The following PLCD3 variants were observed in gnomAD, a reference collection of about 807,000 sequenced individuals.
The protein encoded by PLCD3 is 1-phosphatidylinositol 4,5-bisphosphate phosphodiesterase delta-3.
PLCD3 carries 62 observed loss-of-function variants against 82.8 expected under a neutral mutation model. The observed-to-expected ratio is 0.75, with a 90% CI of 0.61 to 0.93. The LOEUF (loss-of-function observed/expected upper bound fraction) is 0.93. Ranked by LOEUF, PLCD3 falls within the 40% of genes least tolerant of loss-of-function variation. PLCD3 has a pLI of 0.00. For missense variants in PLCD3, 1,023 were observed against 1,103.4 expected (o/e 0.93, Z 1.03); for synonymous variants, 478 against 471.8 (o/e 1.01, Z -0.17).
intron 1 of PLCD3, 95 bp from the exon 2 acceptor site, chr17:45,121,467 TCTCCAAAC>T: frequency 1.5e-6 from 2 of 1,370,788 alleles, no homozygotes; most frequent in Non-Finnish European, 1.9e-6. Context: ...TCCTCCAGCC[TCTCCAAAC>T]CCAGGCCTTC....
In PLCD3 at chr17:45,111,157, T is replaced by C. The variant is rs1296103268; in HGVS notation, c.*1459A>G. ...CCAGATTCTGTCGCCTAGTGTCCAG[T>C]GCGCTCTCCTGGCATTTCTATAGAG... On this transcript the variant is annotated 3_prime_UTR_variant, in exon 15 of 15. Transcript: ENST00000619929. 2.6e-5 allele frequency: 4 copies of C among 152,192 alleles called. No homozygotes were observed. Among genetic ancestry groups the C allele is most frequent in the Non-Finnish European group, 4.4e-5 (3 of 68,044 alleles). The allele number at this position is 152,192 out of a possible 1,614,324, so 9.4% of individuals were successfully genotyped here.
At chr17:45,113,323 G>A in intron 12 of PLCD3, 66 bp from the exon 13 acceptor site, 1 of 1,553,024 alleles carries the variant, frequency 6.4e-7, no homozygotes, top group South Asian at 1.2e-5. Context: ...TGGGCCTCAA[G>A]CTCACACCAC....
At chr17:45,114,967 C>T (rs765876491) in intron 10 of PLCD3, 127 bp downstream of exon 10, 96 of 1,352,036 alleles carry the variant, frequency 7.1e-5, no homozygotes, top group Non-Finnish European at 8.7e-5. Context: ...TTCCCTCAGC[C>T]CAGCCCCTCT....
At chr17:45,123,779 C>T (rs1206388657) in intron 1 of PLCD3, among the ~76,000 whole-genome samples, 1 of 152,210 alleles carries the variant, frequency 6.6e-6, no homozygotes, top group Non-Finnish European at 1.5e-5. Flanking sequence ...GCCATGACCC[C>T]TTGGGGCCAG....
chr17:45,124,041 G>A (rs544137079), intron 1 of PLCD3, among the ~76,000 whole-genome samples: 3 of 150,188 alleles, frequency 2.0e-5, no homozygotes, highest in South Asian at 4.2e-4. Context: ...AGCCTGCAGC[G>A]CCACTACACT....
chr17:45,115,277 C>T (rs1269700431), intron 9 of PLCD3, 33 bp from the exon 10 acceptor site: 4 of 1,530,596 alleles, frequency 2.6e-6, no homozygotes, highest in Non-Finnish European at 3.5e-6. Context: ...GTTCAGCTGG[C>T]CCCCGCTTCC....
Position 45,121,222 on chromosome 17 carries a change from G to C in PLCD3, c.314C>G (p.Ser105Trp). Residue 105 changes from serine to tryptophan, a missense_variant, in exon 2 of 15, where the codon TCG becomes TGG. This residue lies in a region of PLCD3 where 448 missense variants were observed against 406.3 expected (regional missense o/e 1.10). Coordinates refer to ENST00000619929, the MANE Select transcript of PLCD3 (RefSeq NM_133373.5). ...CCCCGGCCTCTCACAGATGTGCTGC[G>C]ATGGCGCACGCGGGATGCGCCGCTG... ...WFQRRIPRAP[S>W]QHIFFVQHIE... 2 of 1,588,014 alleles carry C rather than the reference G, an allele frequency of 1.3e-6. No homozygotes were observed. The highest frequency in any genetic ancestry group is 1.7e-6 in the Non-Finnish European group (2 of 1,175,232).
At chr17:45,113,961 C>T (rs965828790) in intron 11 of PLCD3, among the ~76,000 whole-genome samples, 1 of 152,152 alleles carries the variant, frequency 6.6e-6, no homozygotes, top group Non-Finnish European at 1.5e-5. Flanking sequence ...AGAGCCCACC[C>T]TTGTCAGTGT....
At chr17:45,125,685 A>G (rs1266789809) in intron 1 of PLCD3, among the ~76,000 whole-genome samples, 2 of 152,264 alleles carry the variant, frequency 1.3e-5, no homozygotes, top group African/African-American at 2.4e-5. Context: ...ATGGAATAGT[A>G]TTCAGCCATG....
Position 45,121,065 on chromosome 17 carries a change from C to T in PLCD3, c.391G>A (p.Gly131Ser). ...HQSEGLRRFG[G>S]AFAPARCLTI... ...AGGCAGCGCGCTGGCGCGAAGGCAC[C>T]CCCGAAGCGCCGCAGGCCCTCGGAC... Residue 131 changes from glycine (G) to serine (S), a missense_variant, in exon 3 of 15, where the codon GGT becomes AGT. Physicochemically the swap from Gly to Ser is moderately conservative, Grantham distance 56. Coordinates refer to ENST00000619929, the MANE Select transcript of PLCD3 (RefSeq NM_133373.5). 6.5e-7 allele frequency: 1 copy of T among 1,541,748 alleles called. No individual in the cohort carries two copies. The highest frequency in any genetic ancestry group is 1.2e-5 in the South Asian group (1 of 83,898).
Position 45,118,280 on chromosome 17 carries a change from T to C in PLCD3, c.1115+11A>G, listed in dbSNP as rs2054307007. On this transcript the variant is annotated intron_variant, in intron 6 of 14. Transcript: ENST00000619929. This position sits in a 1 kb window ranked among gnomAD's most constrained non-coding sequence, Gnocchi z 4.1. ...GGGGCTCCCGGAAACATTCACCCCC[T>C]GCTACAGTACCTAACATAGGCCTCG... is the stretch of plus-strand genomic sequence containing the variant. The C allele has an allele frequency of 6.2e-7, 1 of 1,613,834 alleles. No individual in the cohort carries two copies. Among genetic ancestry groups the C allele is most frequent in the Admixed American group, 1.7e-5 (1 of 59,990 alleles).
intron 1 of PLCD3, among the ~76,000 whole-genome samples, chr17:45,130,497 C>G (rs563208985): frequency 1.6e-4 from 25 of 152,296 alleles, no homozygotes; most frequent in African/African-American, 5.8e-4. Flanking sequence ...ACCCGTGACC[C>G]TGCCAGGGCT....
intron 1 of PLCD3, among the ~76,000 whole-genome samples, chr17:45,126,190 C>CCCG (rs1399825182): frequency 6.6e-6 from 1 of 151,200 alleles, no homozygotes; most frequent in African/African-American, 2.4e-5. Flanking sequence ...ACTGCAGGTG[C>CCCG]CCGCCACCAC....
intron 1 of PLCD3, among the ~76,000 whole-genome samples, chr17:45,126,810 T>C (rs899471173): frequency 4.0e-5 from 6 of 151,880 alleles, no homozygotes; most frequent in African/African-American, 1.5e-4. Flanking sequence ...AGACTTGCAC[T>C]ACCAGGCCTG....
chr17:45,130,467 C>T (rs1188529297), intron 1 of PLCD3, among the ~76,000 whole-genome samples: 5 of 152,176 alleles, frequency 3.3e-5, no homozygotes, highest in African/African-American at 1.2e-4. Flanking sequence ...CATGGGGCCT[C>T]CCCTCAGCCC....
chr17:45,119,054 G>A lies in PLCD3; in HGVS notation c.685-11C>T, dbSNP rs760261254. On this transcript the variant is annotated splice_polypyrimidine_tract_variant and intron_variant, in intron 4 of 14. Coordinates refer to ENST00000619929, the MANE Select transcript of PLCD3 (RefSeq NM_133373.5). Reference sequence around the variant, plus strand: ...GGAGTGGTCACACTCCTGGGGAGCAGCAGGAGAAGCTCAGAGGAGGCAGAC... The same window carrying A: ...GGAGTGGTCACACTCCTGGGGAGCAACAGGAGAAGCTCAGAGGAGGCAGAC... 1 of 1,588,982 alleles carries A rather than the reference G, an allele frequency of 6.3e-7. No individual in the cohort carries two copies. The highest frequency in any genetic ancestry group is 1.7e-5 in the Admixed American group (1 of 57,346).
intron 1 of PLCD3, among the ~76,000 whole-genome samples, chr17:45,130,517 G>A (rs1315009718): frequency 2.0e-5 from 3 of 152,120 alleles, no homozygotes; most frequent in Non-Finnish European, 4.4e-5. Context: ...TGACTCCCAG[G>A]GCTGCCCTCA....
In PLCD3 at chr17:45,129,630, A is replaced by C. The variant is rs531969041; in HGVS notation, c.163+2618T>G. Among the ~76,000 whole-genome samples, 45 of 152,342 alleles carry C rather than the reference A, an allele frequency of 3.0e-4. No individual in the cohort carries two copies. The South Asian group carries it at 9.3e-3, about 32-fold the overall frequency. On this transcript the variant is annotated intron_variant, in intron 1 of 14. Coordinates refer to ENST00000619929, the MANE Select transcript of PLCD3 (RefSeq NM_133373.5). ...GTGACATGAGGACAGCACCTCCCGC[A>C]CAGGGATGCCTGAGGATTAAGCAGG...
In PLCD3 at chr17:45,112,133, C is replaced by T. The variant is rs570160598; in HGVS notation, c.*483G>A. On this transcript the variant is annotated 3_prime_UTR_variant, in exon 15 of 15. Transcript: ENST00000619929. ...GAGAAGGGAAGGGGAGCTCAGGTTC[C>T]GGAGCTGGAGGGAGGAGTCCAGGAA... 21 of 160,040 alleles carry T rather than the reference C, an allele frequency of 1.3e-4. No individual in the cohort carries two copies. Among genetic ancestry groups the T allele is most frequent in the African/African-American group, 3.1e-4 (13 of 41,644 alleles). 9.9% of individuals were successfully genotyped at this position (160,040 alleles called of 1,614,324 possible). A position where few individuals can be genotyped will look rare whatever the true frequency, so the allele number is the denominator to read the frequency against.
Sources: allele counts gnomAD v4.1 joint callset (sites outside exome capture counted in the v4.1 genomes callset), GRCh38; gene constraint gnomAD v4.1.1; regional missense constraint gnomAD v4.1.1; non-coding constraint Gnocchi (gnomAD v3.1); transcripts MANE v1.5; gene names NCBI Gene and HGNC (gene_info 2026-07-23, HGNC 2026-07-21).